Variants in RBFOX1 observed in about 807,000 individuals in gnomAD.
RBFOX1 encodes the protein RNA binding fox-1 homolog 1.
In RBFOX1, 8 loss-of-function variants were observed where a neutral mutation model predicts 57.7. The observed-to-expected ratio is 0.14, with a 90% confidence interval of 0.08 to 0.25. The LOEUF is 0.25. Ranked by LOEUF, RBFOX1 falls within the 10% of genes least tolerant of loss-of-function variation. RBFOX1 has a pLI of 1.00. For missense variants in RBFOX1, 611 were observed against 548.5 expected, an observed-to-expected ratio of 1.11 and a Z score of -1.14; for synonymous variants, 326 against 222.4, an observed-to-expected ratio of 1.47 and a Z score of -4.15.
chr16:7,250,752 G>A (rs902734688), intron 4 of RBFOX1, among the ~76,000 whole-genome samples: 3 of 152,186 alleles, frequency 2.0e-5, no homozygotes, highest in African/African-American at 7.2e-5. Context: ...GGGTCATGCT[G>A]TGTATGACCT....
At chr16:7,241,267 C>T (rs9925106) in intron 4 of RBFOX1, among the ~76,000 whole-genome samples, 38,825 of 151,874 alleles carry the variant, frequency 0.26, 5,421 homozygotes, top group African/African-American at 0.38. Flanking sequence ...ATCTCAGTCT[C>T]GGCACTACTA....
At chr16:7,050,007 C>T (rs1327180492) in intron 3 of RBFOX1, among the ~76,000 whole-genome samples, 1 of 152,156 alleles carries the variant, frequency 6.6e-6, no homozygotes, top group Non-Finnish European at 1.5e-5. Flanking sequence ...GCAGTCACTC[C>T]TCCTTTTCCA....
Position 6,352,330 on chromosome 16 carries a change from C to A in RBFOX1, c.-64+35273C>A, listed in dbSNP as rs1282969277. On this transcript the variant is annotated intron_variant, in intron 2 of 15. Transcript: ENST00000550418. ...CCATTGTACCTAAAGTAGTACTTGA[C>A]CCATCATAGATAAACTATCCGTATT... Among the ~76,000 whole-genome samples, 6 of 152,054 alleles carry A rather than the reference C, an allele frequency of 3.9e-5. No homozygotes were observed. The East Asian group carries it at 1.2e-3, about 29-fold the overall frequency.
At chr16:7,554,780 C>T (rs2087790423) in intron 5 of RBFOX1, among the ~76,000 whole-genome samples, 1 of 152,056 alleles carries the variant, frequency 6.6e-6, no homozygotes, top group Non-Finnish European at 1.5e-5. Context: ...AAGTGCACGA[C>T]ATCAAACCTG....
At chr16:5,478,830 C>G (rs1336561633) in intron 2 of RBFOX1, among the ~76,000 whole-genome samples, 2 of 152,106 alleles carry the variant, frequency 1.3e-5, no homozygotes, top group Non-Finnish European at 2.9e-5. Flanking sequence ...AGGCCCTACT[C>G]CCTCCCATGG....
chr16:5,351,828 A>T (rs1237597729), intron 1 of RBFOX1, among the ~76,000 whole-genome samples: 1 of 152,032 alleles, frequency 6.6e-6, no homozygotes, highest in Non-Finnish European at 1.5e-5. Flanking sequence ...TTTGAGACAG[A>T]GTTTCACTCT....
intron 1 of RBFOX1, among the ~76,000 whole-genome samples, chr16:6,053,085 C>T (rs566902499): frequency 4.0e-4 from 61 of 152,214 alleles, no homozygotes; most frequent in Non-Finnish European, 7.4e-4. Context: ...GGAAGGGTCT[C>T]ATCTTAGCAA....
In RBFOX1 at chr16:7,186,279, CAT is replaced by C. The variant is rs1159274688; in HGVS notation, c.27+134184_27+134185del. Among the ~76,000 whole-genome samples, 68 of 118,626 alleles carry C rather than the reference CAT, an allele frequency of 5.7e-4. 1 individual carries two copies. Among genetic ancestry groups the C allele is most frequent in the Non-Finnish European group, 8.5e-4 (51 of 59,948 alleles). 77.8% of individuals were successfully genotyped at this position (118,626 alleles called of 152,430 possible). The stretch of plus-strand genomic sequence containing the variant: ...ATATTTATATAAACATAAACATAAA[CAT>C]ATTTATATAAATATAAACATAAACA... On this transcript the variant is annotated intron_variant, in intron 4 of 15. Coordinates refer to ENST00000550418, the MANE Select transcript of RBFOX1 (RefSeq NM_018723.4).
At chr16:5,632,044 G>C (rs1315330455) in intron 3 of RBFOX1, among the ~76,000 whole-genome samples, 2 of 152,168 alleles carry the variant, frequency 1.3e-5, no homozygotes, top group Admixed American at 1.3e-4. Flanking sequence ...TTCTTTTCCA[G>C]TCCTACTTAA....
At chr16:7,138,706 T>G (rs1403449864) in intron 4 of RBFOX1, among the ~76,000 whole-genome samples, 1 of 152,196 alleles carries the variant, frequency 6.6e-6, no homozygotes, top group Admixed American at 6.5e-5. Flanking sequence ...ATCTCCCAGA[T>G]ATATAGGCTG....
intron 4 of RBFOX1, among the ~76,000 whole-genome samples, chr16:7,441,293 G>A (rs113565650): frequency 6.6e-6 from 1 of 152,164 alleles, no homozygotes; most frequent in East Asian, 1.9e-4. Flanking sequence ...TGGCAGTGGT[G>A]GAGCTGTTAG....
chr16:5,972,535 G>T (rs892550375), intron 4 of RBFOX1, among the ~76,000 whole-genome samples: 8 of 152,184 alleles, frequency 5.3e-5, no homozygotes, highest in African/African-American at 1.9e-4. Flanking sequence ...TGGCCCTTAT[G>T]GCTAATTCCT....
chr16:7,635,886 C>G (rs1333726995), intron 11 of RBFOX1, among the ~76,000 whole-genome samples: 4 of 152,216 alleles, frequency 2.6e-5, no homozygotes. Context: ...TCCCGGCTCA[C>G]TGCAAACTCC....
rs939177856 is a variant in RBFOX1, at chr16:6,675,369, A to AT, written c.-16+20729dup. 6.5e-4 allele frequency among the ~76,000 whole-genome samples: 97 copies of AT among 149,386 alleles called. 1 individual carries two copies. The East Asian group carries it at 6.9e-3, about 11-fold the overall frequency. ...AGAAGTGTATCTGTCCCAATTTCTC[A>AT]TTTTTTTTTTCTTGGAGTTGACTGC... On this transcript the variant is annotated intron_variant, in intron 3 of 15. Coordinates refer to ENST00000550418, the MANE Select transcript of RBFOX1 (RefSeq NM_018723.4).
At chr16:6,756,004 G>A (rs1229714809) in intron 3 of RBFOX1, among the ~76,000 whole-genome samples, 1 of 152,124 alleles carries the variant, frequency 6.6e-6, no homozygotes, top group African/African-American at 2.4e-5. Context: ...GCCCACTTCT[G>A]CAATCACATC....
At chr16:5,670,597 A>G (rs1200256785) in intron 3 of RBFOX1, among the ~76,000 whole-genome samples, 1 of 152,214 alleles carries the variant, frequency 6.6e-6, no homozygotes, top group Non-Finnish European at 1.5e-5. Flanking sequence ...AAAAGAGACA[A>G]CTGTCACTCT....
At chr16:5,672,122 C>A (rs1412434656) in intron 3 of RBFOX1, among the ~76,000 whole-genome samples, 1 of 152,106 alleles carries the variant, frequency 6.6e-6, no homozygotes, top group East Asian at 1.9e-4. Flanking sequence ...GTTTTAGAGT[C>A]ATTCTCTCAG....
At chr16:7,037,027 G>A (rs2044682907) in intron 3 of RBFOX1, among the ~76,000 whole-genome samples, 1 of 152,084 alleles carries the variant, frequency 6.6e-6, no homozygotes, top group Admixed American at 6.6e-5. Flanking sequence ...GGTGCCAGTG[G>A]GAGTGTGGCA....
At chr16:5,391,086 A>C (rs2066395797) in intron 1 of RBFOX1, among the ~76,000 whole-genome samples, 1 of 152,248 alleles carries the variant, frequency 6.6e-6, no homozygotes, top group Non-Finnish European at 1.5e-5. Flanking sequence ...CTAGTGAGAC[A>C]GCAGGAACAT....
Sources: gnomAD v4.1 joint callset for allele counts (sites outside exome capture counted in the v4.1 genomes callset) on GRCh38, gnomAD v4.1.1 for gene constraint, MANE v1.5 for transcripts, NCBI Gene and HGNC (gene_info 2026-07-23, HGNC 2026-07-21) for gene names.